HMCN1: variants seen among roughly 807,000 people sequenced by gnomAD.
HMCN1 encodes the protein hemicentin-1.
In HMCN1, 321 loss-of-function variants were observed where a neutral mutation model predicts 625.9. The ratio of observed to expected loss-of-function variants is 0.51; its 90% CI spans 0.47 to 0.56. The LOEUF (loss-of-function observed/expected upper bound fraction) is 0.56. HMCN1 is among the 20% of genes least tolerant of loss of function. HMCN1 has a pLI of 0.00. For synonymous variants in HMCN1, 2,425 were observed against 2,417.6 expected, an observed-to-expected ratio of 1.00 and a Z score of -0.09; for missense variants, 6,588 against 6,887.3, an observed-to-expected ratio of 0.96 and a Z score of 1.54.
At chr1:186,149,116 A>T (rs531925799) in intron 93 of HMCN1, among the ~76,000 whole-genome samples, 14 of 152,122 alleles carry the variant, frequency 9.2e-5, no homozygotes, top group Admixed American at 8.5e-4. Context: ...ATGAGCATTG[A>T]CCTCAACTTA....
chr1:185,763,055 G>A (rs1248333244), intron 1 of HMCN1, among the ~76,000 whole-genome samples: 1 of 152,118 alleles, frequency 6.6e-6, no homozygotes, highest in South Asian at 2.1e-4. Flanking sequence ...GAGTGAGATT[G>A]TCCAGAAAAG....
In HMCN1 at chr1:185,909,434, T is replaced by TCAGG; in HGVS notation, c.719_720insCAGG (p.Asp241ArgfsTer2). 6.2e-7 allele frequency: 1 copy of TCAGG among 1,613,714 alleles called. No individual in the cohort carries two copies. Among genetic ancestry groups the TCAGG allele is most frequent in the Non-Finnish European group, 8.5e-7 (1 of 1,179,718 alleles). ...GCTGTAAATACTTGGAGAATTCCTT[T>TCAGG]TGATCCCAGCCTGAAAGAGGTCACT... is the stretch of plus-strand genomic sequence containing the variant. On this transcript the variant is annotated frameshift_variant, in exon 5 of 107. Coordinates refer to ENST00000271588, the MANE Select transcript of HMCN1 (RefSeq NM_031935.3). LOFTEE classifies it high-confidence loss of function.
At chr1:185,765,082 G>A (rs1655783523) in intron 1 of HMCN1, among the ~76,000 whole-genome samples, 1 of 152,156 alleles carries the variant, frequency 6.6e-6, no homozygotes, top group Non-Finnish European at 1.5e-5. Context: ...CTGTGACTTG[G>A]TGTGGTACCA....
At chr1:186,051,477 G>C (rs913992455) in intron 42 of HMCN1, among the ~76,000 whole-genome samples, 4 of 151,996 alleles carry the variant, frequency 2.6e-5, no homozygotes, top group Non-Finnish European at 4.4e-5. Flanking sequence ...ACCTCAGAGA[G>C]GGTCTCCATT....
chr1:185,993,790 C>G (rs1431428010), intron 23 of HMCN1, among the ~76,000 whole-genome samples: 1 of 152,150 alleles, frequency 6.6e-6, no homozygotes, highest in Non-Finnish European at 1.5e-5. Flanking sequence ...CATAGTCCAT[C>G]CAGTTCTTCA....
At chr1:185,967,421 T>C (rs1464468851) in intron 14 of HMCN1, among the ~76,000 whole-genome samples, 3 of 152,056 alleles carry the variant, frequency 2.0e-5, no homozygotes, top group Non-Finnish European at 4.4e-5. Context: ...ATATTACCGC[T>C]CAGTGGGTTC....
At chr1:186,102,713 A>G (rs1384240012) in intron 68 of HMCN1, among the ~76,000 whole-genome samples, 1 of 152,168 alleles carries the variant, frequency 6.6e-6, no homozygotes. Context: ...TCCAACAGCT[A>G]TTTTGGCTGC....
chr1:186,144,945 G>A (rs997670280), intron 91 of HMCN1, among the ~76,000 whole-genome samples: 10 of 152,286 alleles, frequency 6.6e-5, no homozygotes, highest in African/African-American at 2.4e-4. Flanking sequence ...AAGAATGAGA[G>A]CACCCCTGCA....
chr1:185,939,807 A>G (rs1667996647), intron 11 of HMCN1, among the ~76,000 whole-genome samples: 2 of 152,188 alleles, frequency 1.3e-5, no homozygotes, highest in South Asian at 4.1e-4. Flanking sequence ...ATAAGAAATA[A>G]CTAAGAACAC....
chr1:185,950,871 A>G (rs1668621439), intron 11 of HMCN1, among the ~76,000 whole-genome samples: 1 of 151,906 alleles, frequency 6.6e-6, no homozygotes, highest in South Asian at 2.1e-4. Flanking sequence ...AGGCAAAACA[A>G]TTTGGTTGAT....
At chr1:186,070,784 G>T (rs745759913) in intron 52 of HMCN1, 27 bp downstream of exon 52, 1 of 1,611,480 alleles carries the variant, frequency 6.2e-7, no homozygotes, top group South Asian at 1.1e-5. Flanking sequence ...TTCATTTGCT[G>T]ATGATTTCTT....
intron 82 of HMCN1, 71 bp from the exon 83 acceptor site, chr1:186,128,007 G>A (rs1289819340): frequency 1.2e-5 from 15 of 1,281,888 alleles, no homozygotes; most frequent in Non-Finnish European, 1.7e-5. Context: ...GCCTAGCTAT[G>A]CAATTTGATG....
intron 6 of HMCN1, among the ~76,000 whole-genome samples, chr1:185,916,538 A>G (rs1274958259): frequency 3.9e-5 from 6 of 152,168 alleles, no homozygotes; most frequent in Non-Finnish European, 7.4e-5. Flanking sequence ...TGTTCTCTTG[A>G]ATACATGTAA....
chr1:185,942,771 A>C (rs533835345), intron 11 of HMCN1, among the ~76,000 whole-genome samples: 4 of 152,248 alleles, frequency 2.6e-5, no homozygotes, highest in Admixed American at 2.6e-4. Flanking sequence ...AATCCCACAA[A>C]ACTGCACCTA....
chr1:186,058,072 T>C (rs1046746129), intron 46 of HMCN1, among the ~76,000 whole-genome samples: 2 of 152,006 alleles, frequency 1.3e-5, no homozygotes, highest in Non-Finnish European at 2.9e-5. Context: ...TAATGTGTGA[T>C]TGAAGGCATC....
intron 47 of HMCN1, 148 bp downstream of exon 47, chr1:186,062,112 G>T: frequency 1.6e-6 from 1 of 610,964 alleles, no homozygotes; most frequent in Non-Finnish European, 2.9e-6. Context: ...TATCAGAATT[G>T]TTTGGAGGTA....
At chr1:185,856,730 A>T (rs893277414) in intron 2 of HMCN1, among the ~76,000 whole-genome samples, 2 of 152,298 alleles carry the variant, frequency 1.3e-5, no homozygotes, top group South Asian at 4.1e-4. Context: ...TGAGTCTATA[A>T]AAAAGTTTCA....
chr1:186,131,876 G>A (rs2102519994), intron 85 of HMCN1, among the ~76,000 whole-genome samples: 1 of 152,220 alleles, frequency 6.6e-6, no homozygotes, highest in Non-Finnish European at 1.5e-5. Flanking sequence ...AAACGCTCTA[G>A]ACAAAGGTCC....
At chr1:186,078,420 C>G (rs989346751) in intron 55 of HMCN1, among the ~76,000 whole-genome samples, 200 bp downstream of exon 55, 2 of 152,188 alleles carry the variant, frequency 1.3e-5, no homozygotes, top group East Asian at 3.9e-4. Flanking sequence ...AACAAACTGA[C>G]TTAAATGAAA....
Sources: allele counts gnomAD v4.1 joint callset (sites outside exome capture counted in the v4.1 genomes callset), GRCh38; gene constraint gnomAD v4.1.1; transcripts MANE v1.5; gene names NCBI Gene and HGNC (gene_info 2026-07-23, HGNC 2026-07-21).